CTNNA2: variants seen among roughly 807,000 people sequenced by gnomAD.
The protein encoded by CTNNA2 is catenin alpha-2.
CTNNA2 carries 42 observed loss-of-function variants against 101.0 expected under a neutral mutation model. That is an observed-to-expected ratio of 0.42 (90% CI 0.32 to 0.54). The LOEUF is 0.54. CTNNA2 is among the 20% of genes least tolerant of loss of function. The pLI, the probability that CTNNA2 is intolerant of heterozygous loss-of-function variation, is 0.14. For synonymous variants in CTNNA2, 450 were observed against 456.4 expected, an observed-to-expected ratio of 0.99 and a Z score of 0.18; for missense variants, 871 against 1,223.1, an observed-to-expected ratio of 0.71 and a Z score of 4.29.
intron 3 of CTNNA2, among the ~76,000 whole-genome samples, chr2:79,808,036 C>T (rs1055783124): frequency 3.3e-5 from 5 of 152,104 alleles, no homozygotes; most frequent in East Asian, 1.9e-4. Context: ...TTTTCCTTTA[C>T]AAAAATTACT....
intron 2 of CTNNA2, among the ~76,000 whole-genome samples, chr2:79,668,041 C>A (rs1198348689): frequency 4.0e-5 from 6 of 149,146 alleles, no homozygotes; most frequent in Non-Finnish European, 8.9e-5. Flanking sequence ...GAGATCGAGA[C>A]CATCCTGGCT....
intron 7 of CTNNA2, among the ~76,000 whole-genome samples, chr2:80,300,281 G>T (rs2902205): frequency 0.017 from 1,560 of 93,126 alleles, 78 homozygotes; most frequent in Middle Eastern, 0.069. Flanking sequence ...GGGGTGTTGG[G>T]GTGTGTGTGT....
intron 7 of CTNNA2, among the ~76,000 whole-genome samples, chr2:80,322,954 T>C: frequency 6.6e-6 from 1 of 152,226 alleles, no homozygotes; most frequent in South Asian, 2.1e-4. Flanking sequence ...CTGAAGGGTA[T>C]GTAATTTGGG....
intron 3 of CTNNA2, among the ~76,000 whole-genome samples, chr2:79,779,036 C>G (rs952119719): frequency 2.6e-5 from 4 of 152,122 alleles, no homozygotes; most frequent in Admixed American, 6.5e-5. Context: ...TTTATTTATT[C>G]CAGCCAAGGG....
At chr2:80,390,482 T>A (rs1485051188) in intron 7 of CTNNA2, among the ~76,000 whole-genome samples, 1 of 152,180 alleles carries the variant, frequency 6.6e-6, no homozygotes, top group Non-Finnish European at 1.5e-5. Flanking sequence ...AGATCCCACA[T>A]GTTGCCCTTC....
At chr2:80,293,916 C>T (rs1212982232) in intron 7 of CTNNA2, among the ~76,000 whole-genome samples, 1 of 151,992 alleles carries the variant, frequency 6.6e-6, no homozygotes, top group Non-Finnish European at 1.5e-5. Flanking sequence ...GGGGTGGAGA[C>T]ACAGAGGGGC....
chr2:80,092,894 C>T (rs1490223996), intron 7 of CTNNA2, among the ~76,000 whole-genome samples: 1 of 151,996 alleles, frequency 6.6e-6, no homozygotes, highest in Non-Finnish European at 1.5e-5. Context: ...CTCAAATCTT[C>T]ATTTAATTAT....
In CTNNA2 at chr2:79,427,622, TA is replaced by T. The variant is rs375511412; in HGVS notation, c.-135+53619del. Among the ~76,000 whole-genome samples, 10 of 146,960 alleles carry T rather than the reference TA, an allele frequency of 6.8e-5. No homozygotes were observed. The East Asian group carries it at 8.1e-4, about 12-fold the overall frequency. On this transcript the variant is annotated intron_variant, in intron 4 of 21. Transcript: ENST00000466387. ...TCTAGGAACGTTCTTTCTTTAATATTAAAAAAAAAATAATAACTGTACTCAA... is the reference window on the plus strand; with the variant it reads ...TCTAGGAACGTTCTTTCTTTAATATTAAAAAAAAATAATAACTGTACTCAA...
intron 2 of CTNNA2, among the ~76,000 whole-genome samples, chr2:79,307,377 A>G (rs1339010655): frequency 6.6e-6 from 1 of 152,092 alleles, no homozygotes; most frequent in Non-Finnish European, 1.5e-5. Context: ...TAACAAATCT[A>G]TCCTTCCTTT....
chr2:80,475,853 C>T (rs1444933240), intron 9 of CTNNA2, among the ~76,000 whole-genome samples: 2 of 151,812 alleles, frequency 1.3e-5, no homozygotes, highest in Admixed American at 6.6e-5. Context: ...GAATTTATTA[C>T]AAATAGTTAA....
At chr2:80,295,936 G>A (rs1675698703) in intron 7 of CTNNA2, among the ~76,000 whole-genome samples, 1 of 152,128 alleles carries the variant, frequency 6.6e-6, no homozygotes, top group Non-Finnish European at 1.5e-5. Context: ...ATGAATTTCA[G>A]TTTGCAGTTC....
At chr2:80,316,165 A>G (rs1356244389) in intron 7 of CTNNA2, among the ~76,000 whole-genome samples, 1 of 152,222 alleles carries the variant, frequency 6.6e-6, no homozygotes, top group Non-Finnish European at 1.5e-5. Context: ...AGGTTTATAC[A>G]GTAAAACAGG....
chr2:79,399,938 C>G (rs1430588608), intron 4 of CTNNA2, among the ~76,000 whole-genome samples: 1 of 151,974 alleles, frequency 6.6e-6, no homozygotes, highest in Non-Finnish European at 1.5e-5. Flanking sequence ...GTTTATTTTG[C>G]CAAAGTTAAG....
chr2:79,884,517 C>A (rs551215386), intron 6 of CTNNA2, among the ~76,000 whole-genome samples: 1 of 152,258 alleles, frequency 6.6e-6, no homozygotes, highest in Non-Finnish European at 1.5e-5. Context: ...GAAGGGAGCA[C>A]ATTATTATAC....
chr2:80,075,648 TA>T lies in CTNNA2; in HGVS notation c.1056+165856del, dbSNP rs568717857. Among the ~76,000 whole-genome samples, 106 of 86,770 alleles carry T rather than the reference TA, an allele frequency of 1.2e-3. 1 individual carries two copies. The highest frequency in any genetic ancestry group is 4.5e-3 in the African/African-American group (87 of 19,300). The allele number at this position is 86,770 out of a possible 152,430, so 56.9% of individuals were successfully genotyped here. A position where few individuals can be genotyped will look rare whatever the true frequency, so the allele number is the denominator to read the frequency against. ...AATATTTATACATGTATAAATATTA[TA>T]AAAATAATATTTATACATGTATAAA... On this transcript the variant is annotated intron_variant, in intron 7 of 18. Coordinates refer to ENST00000402739, the MANE Select transcript of CTNNA2 (RefSeq NM_001282597.3).
intron 7 of CTNNA2, among the ~76,000 whole-genome samples, chr2:80,349,263 G>C (rs192227921): frequency 1.3e-5 from 2 of 152,246 alleles, no homozygotes; most frequent in East Asian, 3.9e-4. Flanking sequence ...CTGTATATCT[G>C]AGAAGGACCT....
At chr2:79,520,582 C>G (rs1254307445) in intron 1 of CTNNA2, among the ~76,000 whole-genome samples, 2 of 152,182 alleles carry the variant, frequency 1.3e-5, no homozygotes, top group African/African-American at 2.4e-5. Context: ...ATGTCTCTCT[C>G]TGTATGTTTG....
At chr2:79,357,692 TA>T (rs1030622798) in intron 3 of CTNNA2, among the ~76,000 whole-genome samples, 11 of 151,892 alleles carry the variant, frequency 7.2e-5, no homozygotes, top group Non-Finnish European at 1.2e-4. Flanking sequence ...GCAAAGCTGC[TA>T]AAAAAACAAA....
At chr2:79,326,485 C>A (rs764168954) in intron 3 of CTNNA2, among the ~76,000 whole-genome samples, 2 of 151,994 alleles carry the variant, frequency 1.3e-5, no homozygotes, top group Non-Finnish European at 2.9e-5. Flanking sequence ...AATCTATTTT[C>A]TTTCTCCTTT....
Sources: allele counts gnomAD v4.1 joint callset (sites outside exome capture counted in the v4.1 genomes callset), GRCh38; gene constraint gnomAD v4.1.1; transcripts MANE v1.5; gene names NCBI Gene and HGNC (gene_info 2026-07-23, HGNC 2026-07-21).